NKAIN3: variants seen among roughly 807,000 people sequenced by gnomAD.
NKAIN3 encodes sodium/potassium-transporting ATPase subunit beta-1-interacting protein 3.
Under a neutral mutation model 30.2 loss-of-function variants are expected in NKAIN3, and 25 were observed. The observed-to-expected ratio is 0.83, with a 90% CI of 0.60 to 1.16. NKAIN3 has a LOEUF of 1.16. Ranked by LOEUF, NKAIN3 falls within the 50% of genes most tolerant of loss-of-function variation. The probability of loss-of-function intolerance (pLI) is 0.00; values close to 1 mark genes in which losing one functional copy is unlikely to be tolerated. For missense variants in NKAIN3, 225 were observed against 254.1 expected (o/e 0.89, Z 0.78); for synonymous variants, 91 against 89.6 (o/e 1.02, Z -0.09).
intron 1 of NKAIN3, among the ~76,000 whole-genome samples, chr8:62,413,084 C>G (rs1204025089): frequency 6.6e-6 from 1 of 151,956 alleles, no homozygotes; most frequent in Non-Finnish European, 1.5e-5. Context: ...CAAATTAAAA[C>G]CACAGTGAGG....
At chr8:62,518,734 A>G (rs968523676) in intron 1 of NKAIN3, among the ~76,000 whole-genome samples, 2 of 152,136 alleles carry the variant, frequency 1.3e-5, no homozygotes, top group Non-Finnish European at 2.9e-5. Context: ...AAGGTGAGAC[A>G]AAAAAACGAA....
At chr8:62,946,555 C>A (rs963587417) in intron 5 of NKAIN3, among the ~76,000 whole-genome samples, 1 of 152,200 alleles carries the variant, frequency 6.6e-6, no homozygotes, top group African/African-American at 2.4e-5. Context: ...CTCCTCTCTG[C>A]AGTCTTTGAA....
At chr8:62,522,280 C>T (rs556677806) in intron 1 of NKAIN3, among the ~76,000 whole-genome samples, 25 of 152,128 alleles carry the variant, frequency 1.6e-4, no homozygotes, top group African/African-American at 3.4e-4. Flanking sequence ...CATGGCACAA[C>T]GCATTACTCA....
intron 1 of NKAIN3, among the ~76,000 whole-genome samples, chr8:62,530,824 G>T (rs1808464061): frequency 6.6e-6 from 1 of 151,852 alleles, no homozygotes; most frequent in Non-Finnish European, 1.5e-5. Flanking sequence ...ATTTTTAGTA[G>T]AAACGGGATT....
At chr8:62,633,373 T>A (rs1261665208) in intron 3 of NKAIN3, among the ~76,000 whole-genome samples, 2 of 152,174 alleles carry the variant, frequency 1.3e-5, no homozygotes, top group Non-Finnish European at 2.9e-5. Flanking sequence ...ATCTCAGTAA[T>A]CTGTTCTTGG....
chr8:62,767,448 C>T (rs576963274), intron 4 of NKAIN3, among the ~76,000 whole-genome samples: 3 of 152,266 alleles, frequency 2.0e-5, no homozygotes, highest in African/African-American at 4.8e-5. Flanking sequence ...AACAGAGAGA[C>T]ACACGCAGAT....
chr8:62,989,657 CA>C (rs1319094944), downstream of NKAIN3, among the ~76,000 whole-genome samples: 2 of 152,124 alleles, frequency 1.3e-5, no homozygotes, highest in Non-Finnish European at 2.9e-5. Context: ...GAGATCATGC[CA>C]CTGCACTCCA....
intron 1 of NKAIN3, among the ~76,000 whole-genome samples, chr8:62,345,502 T>TGTATATATACACATATATGTATATATGC (rs1563942779): frequency 1.9e-4 from 4 of 20,694 alleles, no homozygotes; most frequent in South Asian, 2.3e-3. Context: ...CACACATATA[T>TGTATATATACACATATATGTATATATGC]ACACATATAT....
intron 5 of NKAIN3, among the ~76,000 whole-genome samples, chr8:62,939,823 G>T (rs1235029279): frequency 6.6e-6 from 1 of 151,232 alleles, no homozygotes; most frequent in Non-Finnish European, 1.5e-5. Flanking sequence ...AATCTAACAG[G>T]ACCTATAAAA....
chr8:62,539,334 A>T (rs949049128), intron 1 of NKAIN3, among the ~76,000 whole-genome samples: 2 of 152,246 alleles, frequency 1.3e-5, no homozygotes, highest in Non-Finnish European at 2.9e-5. Flanking sequence ...AAAACAATGA[A>T]GGGAAACTAA....
chr8:62,704,835 C>CA (rs112516399), intron 3 of NKAIN3, among the ~76,000 whole-genome samples: 8,557 of 152,206 alleles, frequency 0.056, 470 homozygotes, highest in African/African-American at 0.14. Flanking sequence ...ATAGTGTTGG[C>CA]GCTAGAGCAT....
At chr8:62,527,160 A>G (rs1808329459) in intron 1 of NKAIN3, among the ~76,000 whole-genome samples, 1 of 152,134 alleles carries the variant, frequency 6.6e-6, no homozygotes, top group South Asian at 2.1e-4. Flanking sequence ...CCAGCCTCCC[A>G]TCCTCAGCTG....
chr8:62,746,435 T>C (rs1233885964), intron 3 of NKAIN3, among the ~76,000 whole-genome samples: 2 of 152,202 alleles, frequency 1.3e-5, no homozygotes, highest in Non-Finnish European at 2.9e-5. Context: ...CTAAGTATCA[T>C]TGGTGGAGGC....
intron 4 of NKAIN3, among the ~76,000 whole-genome samples, chr8:62,816,093 C>T (rs998455916): frequency 1.3e-5 from 2 of 152,176 alleles, no homozygotes; most frequent in East Asian, 3.9e-4. Flanking sequence ...TGTTTCCTTG[C>T]TTTTTAATAT....
At chr8:62,251,157 T>A (rs1777189246) in intron 1 of NKAIN3, among the ~76,000 whole-genome samples, 1 of 152,196 alleles carries the variant, frequency 6.6e-6, no homozygotes, top group African/African-American at 2.4e-5. Flanking sequence ...GTGAGGTAGA[T>A]ACTCATTTCA....
chr8:62,249,393 G>T (rs963623873), intron 1 of NKAIN3, among the ~76,000 whole-genome samples: 4 of 152,198 alleles, frequency 2.6e-5, no homozygotes, highest in Non-Finnish European at 4.4e-5. Context: ...GCCGGGCGTC[G>T]CCACGCGGTC....
At chr8:62,552,840 G>T (rs1408600957) in intron 1 of NKAIN3, among the ~76,000 whole-genome samples, 1 of 152,150 alleles carries the variant, frequency 6.6e-6, no homozygotes, top group Non-Finnish European at 1.5e-5. Flanking sequence ...TGAAAGCAGA[G>T]GTAGAAAGAA....
intron 1 of NKAIN3, among the ~76,000 whole-genome samples, chr8:62,276,331 G>T (rs1367314450): frequency 6.6e-6 from 1 of 152,132 alleles, no homozygotes; most frequent in Non-Finnish European, 1.5e-5. Context: ...CTCCCAAATT[G>T]CTGGGATTAC....
chr8:62,908,696 G>A (rs1484261164), intron 4 of NKAIN3, among the ~76,000 whole-genome samples: 1 of 152,056 alleles, frequency 6.6e-6, no homozygotes. Context: ...CCCCACCTTT[G>A]CCTTCTGCCA....
Sources: gnomAD v4.1 joint callset for allele counts (sites outside exome capture counted in the v4.1 genomes callset) on GRCh38, gnomAD v4.1.1 for gene constraint, MANE v1.5 for transcripts, NCBI Gene and HGNC (gene_info 2026-07-23, HGNC 2026-07-21) for gene names.